Variants in MGAT5 observed in about 807,000 individuals in gnomAD.
MGAT5 encodes the protein alpha-1,6-mannosylglycoprotein 6-beta-N-acetylglucosaminyltransferase.
Under a neutral mutation model 94.3 loss-of-function variants are expected in MGAT5, and 30 were observed. That is an observed-to-expected ratio of 0.32 (90% CI 0.24 to 0.43). The LOEUF is 0.43. Among genes scored for constraint, MGAT5 ranks in the 20% least tolerant of loss-of-function variants. MGAT5 has a pLI of 1.00. For synonymous variants in MGAT5, 310 were observed against 322.9 expected, an observed-to-expected ratio of 0.96 and a Z score of 0.43; for missense variants, 691 against 905.5, an observed-to-expected ratio of 0.76 and a Z score of 3.04.
intron 12 of MGAT5, 34 bp from the exon 13 acceptor site, chr2:134,422,769 G>T (rs778127795): frequency 2.0e-5 from 31 of 1,532,554 alleles, no homozygotes; most frequent in Non-Finnish European, 2.8e-5. Context: ...TTTAAAAATT[G>T]CTTGTGAGAC....
At chr2:134,238,923 G>A (rs373466241) in intron 1 of MGAT5, among the ~76,000 whole-genome samples, 11 of 152,304 alleles carry the variant, frequency 7.2e-5, no homozygotes, top group African/African-American at 2.4e-4. Context: ...TCCAGCCTGG[G>A]CGACAAGAGT....
intron 1 of MGAT5, among the ~76,000 whole-genome samples, chr2:134,154,340 A>G (rs1687375309): frequency 6.6e-6 from 1 of 152,160 alleles, no homozygotes. Context: ...CGACTTATTT[A>G]TATAAGGAAA....
chr2:134,195,159 G>C (rs767999744), intron 1 of MGAT5, among the ~76,000 whole-genome samples: 1 of 152,136 alleles, frequency 6.6e-6, no homozygotes, highest in Non-Finnish European at 1.5e-5. Context: ...ATATTCCTGT[G>C]AACAGTTTGG....
Position 134,341,811 on chromosome 2 carries a change from A to G in MGAT5, c.977+52A>G, listed in dbSNP as rs1688648674. 4 of 1,507,816 alleles carry G rather than the reference A, an allele frequency of 2.7e-6. No individual in the cohort carries two copies. The South Asian group carries it at 3.7e-5, about 14-fold the overall frequency. The allele number at this position is 1,507,816 out of a possible 1,614,324, so 93.4% of individuals were successfully genotyped here. A position where few individuals can be genotyped will look rare whatever the true frequency, so the allele number is the denominator to read the frequency against. ...AATCAGAATACAAAAAAGAAATTGT[A>G]AACTCTTAAAGTATTACCTCTATTA... On this transcript the variant is annotated intron_variant, in intron 7 of 15. Coordinates refer to ENST00000281923, the MANE Select transcript of MGAT5 (RefSeq NM_002410.5).
chr2:134,138,775 G>A (rs953863357), intron 1 of MGAT5, among the ~76,000 whole-genome samples: 1 of 152,158 alleles, frequency 6.6e-6, no homozygotes, highest in African/African-American at 2.4e-5. Flanking sequence ...TGTCTGGGGT[G>A]ACTCACATAA....
intron 2 of MGAT5, among the ~76,000 whole-genome samples, chr2:134,292,291 AT>A (rs1685415547): frequency 6.6e-6 from 1 of 152,146 alleles, no homozygotes; most frequent in East Asian, 1.9e-4. Flanking sequence ...CTGAGACCCA[AT>A]GCCTTTTACT....
At chr2:134,294,316 C>T (rs188096910) in intron 2 of MGAT5, among the ~76,000 whole-genome samples, 5 of 152,126 alleles carry the variant, frequency 3.3e-5, no homozygotes, top group African/African-American at 9.6e-5. Flanking sequence ...TTCATGTTTC[C>T]AAGTCTTAAT....
chr2:134,393,805 T>C (rs973860008), intron 10 of MGAT5, among the ~76,000 whole-genome samples: 2 of 152,320 alleles, frequency 1.3e-5, no homozygotes, highest in South Asian at 2.1e-4. Context: ...TCATGTTTTA[T>C]GTAATTCAGA....
chr2:134,128,738 A>C (rs1685975381), intron 1 of MGAT5, among the ~76,000 whole-genome samples: 1 of 152,012 alleles, frequency 6.6e-6, no homozygotes. Context: ...TTTTAAAAAA[A>C]ATTTTAGTTT....
At chr2:134,350,702 A>G (rs1000984937) in intron 9 of MGAT5, among the ~76,000 whole-genome samples, 1 of 152,232 alleles carries the variant, frequency 6.6e-6, no homozygotes, top group Non-Finnish European at 1.5e-5. Flanking sequence ...TCAAAAAACC[A>G]CATTTGATAG....
At chr2:134,228,893 C>A (rs1292747716) in intron 1 of MGAT5, among the ~76,000 whole-genome samples, 1 of 152,160 alleles carries the variant, frequency 6.6e-6, no homozygotes, top group Non-Finnish European at 1.5e-5. Flanking sequence ...GGGTCTCAGT[C>A]CCCCACCTGG....
intron 4 of MGAT5, among the ~76,000 whole-genome samples, 190 bp from the exon 5 acceptor site, chr2:134,336,027 C>G (rs1337249090): frequency 6.6e-6 from 1 of 152,044 alleles, no homozygotes; most frequent in Non-Finnish European, 1.5e-5. Context: ...ACCTTTGCTG[C>G]TGATTGTTTC....
intron 1 of MGAT5, among the ~76,000 whole-genome samples, chr2:134,220,267 G>A (rs1680689541): frequency 6.6e-6 from 1 of 152,178 alleles, no homozygotes; most frequent in Non-Finnish European, 1.5e-5. Flanking sequence ...TGCAGCTCTA[G>A]TTTCAGAGTA....
At chr2:134,198,338 G>A (rs1679600569) in intron 1 of MGAT5, among the ~76,000 whole-genome samples, 1 of 152,160 alleles carries the variant, frequency 6.6e-6, no homozygotes, top group Non-Finnish European at 1.5e-5. Context: ...TAGCTCTGAA[G>A]ATCACCAGCA....
intron 2 of MGAT5, among the ~76,000 whole-genome samples, chr2:134,312,947 C>T (rs1197916029): frequency 6.6e-6 from 1 of 151,934 alleles, no homozygotes; most frequent in Non-Finnish European, 1.5e-5. Flanking sequence ...TCTATTCTCA[C>T]CGTTCCTTTG....
intron 3 of MGAT5, among the ~76,000 whole-genome samples, chr2:134,318,152 G>C (rs541920429): frequency 2.0e-5 from 3 of 152,284 alleles, no homozygotes; most frequent in African/African-American, 7.2e-5. Context: ...TCAGAGAACA[G>C]TGTCCATTCA....
At chr2:134,152,767 C>T (rs1687284350) in intron 1 of MGAT5, among the ~76,000 whole-genome samples, 1 of 152,136 alleles carries the variant, frequency 6.6e-6, no homozygotes. Flanking sequence ...CGTTCTCTGA[C>T]TTTAGCTGTA....
intron 11 of MGAT5, among the ~76,000 whole-genome samples, chr2:134,407,888 C>T (rs1683431571): frequency 6.6e-6 from 1 of 152,170 alleles, no homozygotes. Context: ...ATTCAGAGGA[C>T]AGGAGCCACT....
intron 1 of MGAT5, among the ~76,000 whole-genome samples, chr2:134,144,669 C>A (rs1024959357): frequency 3.9e-5 from 6 of 152,148 alleles, no homozygotes; most frequent in Non-Finnish European, 7.3e-5. Flanking sequence ...AAAGTAAGGT[C>A]TTAAACTGTA....
Sources: gnomAD v4.1 joint callset for allele counts (sites outside exome capture counted in the v4.1 genomes callset) on GRCh38, gnomAD v4.1.1 for gene constraint, MANE v1.5 for transcripts, NCBI Gene and HGNC (gene_info 2026-07-23, HGNC 2026-07-21) for gene names.